CWF19L2: variants seen among roughly 807,000 people sequenced by gnomAD.
The protein encoded by CWF19L2 is CWF19-like protein 2.
A neutral mutation model predicts 111.7 loss-of-function variants in CWF19L2; 98 were observed. The observed-to-expected ratio is 0.88, with a 90% CI of 0.75 to 1.04. The LOEUF (loss-of-function observed/expected upper bound fraction) is 1.04, where lower values mean the gene tolerates loss of function less well. Among genes scored for constraint, CWF19L2 ranks in the 50% least tolerant of loss-of-function variants. The probability of loss-of-function intolerance (pLI) is 0.00; values close to 1 mark genes in which losing one functional copy is unlikely to be tolerated. For missense variants in CWF19L2, 1,101 were observed against 1,051.4 expected, an observed-to-expected ratio of 1.05 and a Z score of -0.65; for synonymous variants, 351 against 342.9, an observed-to-expected ratio of 1.02 and a Z score of -0.26.
At position 107,368,333 on chromosome 11, in the gene CWF19L2, C is replaced by T. The variant is rs989632456; in HGVS notation, c.1873-14597G>A. On this transcript the variant is annotated intron_variant, in intron 12 of 17. Coordinates refer to ENST00000282251, the MANE Select transcript of CWF19L2 (RefSeq NM_152434.3). ...AACTATATTCTCACAAACTAGAAAACCTAGACGAAATGGATAAATTCCTGG... is the reference window on the plus strand; with the variant it reads ...AACTATATTCTCACAAACTAGAAAATCTAGACGAAATGGATAAATTCCTGG... Among the ~76,000 whole-genome samples, 4 of 137,450 alleles carry T rather than the reference C, an allele frequency of 2.9e-5. 2 individuals carry two copies. The highest frequency in any genetic ancestry group is 1.2e-4 in the African/African-American group (4 of 34,484). The allele number at this position is 137,450 out of a possible 152,430, so 90.2% of individuals were successfully genotyped here.
At position 107,393,034 on chromosome 11, in the gene CWF19L2, T is replaced by C. The variant is rs1416687386; in HGVS notation, c.1618-139A>G. ...TTGCCTTAAATCTCCTGGATTTTCA[T>C]TACTCTCTATACTATAAAATGAACA... On this transcript the variant is annotated intron_variant, in intron 10 of 17. Coordinates refer to ENST00000282251, the MANE Select transcript of CWF19L2 (RefSeq NM_152434.3). 127 of 566,582 alleles carry C rather than the reference T, an allele frequency of 2.2e-4. 5 individuals carry two copies. The South Asian group carries it at 3.1e-3, about 14-fold the overall frequency. The allele number at this position is 566,582 out of a possible 1,614,324, so 35.1% of individuals were successfully genotyped here.
Position 107,416,207 on chromosome 11 carries a change from A to T in CWF19L2, c.1617+2T>A. ...TACATTCTCCAAACTTTTATTACTT[A>T]CCTCTACCCCAGATTTTTTTGGTAT... is the stretch of plus-strand genomic sequence containing the variant. On this transcript the variant is annotated splice_donor_variant, in intron 10 of 17. Transcript: ENST00000282251. LOFTEE classifies it high-confidence loss of function. 1 of 1,283,812 alleles carries T rather than the reference A, an allele frequency of 7.8e-7. No individual in the cohort carries two copies. Among genetic ancestry groups the T allele is most frequent in the Non-Finnish European group, 1.0e-6 (1 of 955,264 alleles). The allele number at this position is 1,283,812 out of a possible 1,614,324, so 79.5% of individuals were successfully genotyped here.
intron 6 of CWF19L2, among the ~76,000 whole-genome samples, chr11:107,435,992 A>G (rs1388093245): frequency 1.3e-5 from 2 of 151,908 alleles, no homozygotes; most frequent in Non-Finnish European, 2.9e-5. Context: ...TGTCTCTACT[A>G]AAAATACAAA....
chr11:107,453,962 T>A (rs1861816767), intron 3 of CWF19L2, among the ~76,000 whole-genome samples: 1 of 151,290 alleles, frequency 6.6e-6, no homozygotes, highest in African/African-American at 2.4e-5. Context: ...CTGCCATTCA[T>A]AGGTTGAATG....
At chr11:107,405,839 CA>C (rs1555023830) in intron 10 of CWF19L2, among the ~76,000 whole-genome samples, 34 of 81,274 alleles carry the variant, frequency 4.2e-4, no homozygotes, top group Middle Eastern at 6.5e-3. Flanking sequence ...TGAAGCAAGC[CA>C]AAAAAAAAAA....
At chr11:107,370,599 G>A (rs1459879783) in intron 12 of CWF19L2, among the ~76,000 whole-genome samples, 1 of 134,842 alleles carries the variant, frequency 7.4e-6, no homozygotes, top group Non-Finnish European at 1.6e-5. Flanking sequence ...AAATCACTGA[G>A]GTCGAGTCAC....
intron 10 of CWF19L2, among the ~76,000 whole-genome samples, chr11:107,411,217 C>T (rs547913175): frequency 6.6e-6 from 1 of 152,156 alleles, no homozygotes; most frequent in South Asian, 2.1e-4. Flanking sequence ...AAGATCTCTC[C>T]TGCTATGGAA....
At chr11:107,381,123 G>C (rs1190552007) in intron 12 of CWF19L2, among the ~76,000 whole-genome samples, 2 of 152,052 alleles carry the variant, frequency 1.3e-5, no homozygotes, top group African/African-American at 4.8e-5. Flanking sequence ...TTCTGTCTGA[G>C]ATAATGAAAA....
At chr11:107,362,194 T>C (rs867825525) in intron 12 of CWF19L2, among the ~76,000 whole-genome samples, 12 of 55,758 alleles carry the variant, frequency 2.2e-4, no homozygotes, top group South Asian at 3.7e-4. Context: ...GTCTCGCTGA[T>C]TGCTACCACA....
intron 10 of CWF19L2, among the ~76,000 whole-genome samples, chr11:107,403,118 G>C (rs746351339): frequency 1.3e-5 from 2 of 149,766 alleles, no homozygotes; most frequent in South Asian, 2.1e-4. Flanking sequence ...GAGTGTGAAG[G>C]GGGTGAGGGA....
rs959240868 is a variant in CWF19L2 at position 107,367,478 on chromosome 11, C to G, written c.1873-13742G>C. Among the ~76,000 whole-genome samples the G allele has an allele frequency of 1.8e-4, 23 of 129,488 alleles. 3 individuals are homozygous for G. Among genetic ancestry groups the G allele is most frequent in the Middle Eastern group, 3.9e-3 (1 of 258 alleles). 84.9% of individuals were successfully genotyped at this position (129,488 alleles called of 152,430 possible). Reference sequence around the variant, plus strand: ...TTAAGAAAATGTGGCACATATACACCATGGAATACTATGCAGCCATAAAAA... The same window carrying G: ...TTAAGAAAATGTGGCACATATACACGATGGAATACTATGCAGCCATAAAAA... On this transcript the variant is annotated intron_variant, in intron 12 of 17. Coordinates refer to ENST00000282251, the MANE Select transcript of CWF19L2 (RefSeq NM_152434.3).
At chr11:107,354,896 G>GT (rs1051198366) in intron 12 of CWF19L2, among the ~76,000 whole-genome samples, 2 of 152,030 alleles carry the variant, frequency 1.3e-5, no homozygotes, top group African/African-American at 4.8e-5. Flanking sequence ...CAATACTATG[G>GT]TAAGAATTAG....
rs1312853149 is a variant in CWF19L2, at chr11:107,364,388, C to A, written c.1873-10652G>T. On this transcript the variant is annotated intron_variant, in intron 12 of 17. Transcript: ENST00000282251. ...AATATACATTTTTTTCAGCACCACA[C>A]CACATCTATTCCAAAATTGACCACA... 2.0e-5 allele frequency among the ~76,000 whole-genome samples: 3 copies of A among 148,460 alleles called. 1 individual carries two copies. The highest frequency in any genetic ancestry group is 7.6e-5 in the African/African-American group (3 of 39,428).
chr11:107,342,876 G>A (rs1426073888), intron 14 of CWF19L2, among the ~76,000 whole-genome samples: 2 of 152,130 alleles, frequency 1.3e-5, no homozygotes, highest in Non-Finnish European at 2.9e-5. Context: ...AAGAGGAGAA[G>A]GCAATATGAT....
chr11:107,452,299 C>G (rs2135430409), intron 3 of CWF19L2, among the ~76,000 whole-genome samples: 1 of 151,164 alleles, frequency 6.6e-6, no homozygotes, highest in East Asian at 1.9e-4. Context: ...TTTTTCTGAT[C>G]CTAATGTTTC....
chr11:107,414,394 A>G (rs930212828), intron 10 of CWF19L2, among the ~76,000 whole-genome samples: 1 of 152,140 alleles, frequency 6.6e-6, no homozygotes, highest in African/African-American at 2.4e-5. Context: ...GTAATGCAGA[A>G]GTTGAACTCA....
intron 16 of CWF19L2, among the ~76,000 whole-genome samples, chr11:107,330,265 T>G (rs1859825800): frequency 6.6e-6 from 1 of 152,168 alleles, no homozygotes; most frequent in Admixed American, 6.5e-5. Context: ...ACCAACTATT[T>G]TGCTGTCCTT....
At chr11:107,393,837 G>A (rs963779917) in intron 10 of CWF19L2, among the ~76,000 whole-genome samples, 1 of 152,078 alleles carries the variant, frequency 6.6e-6, no homozygotes, top group East Asian at 1.9e-4. Flanking sequence ...GGGTACACAT[G>A]GACATAAAGA....
intron 10 of CWF19L2, among the ~76,000 whole-genome samples, chr11:107,398,872 C>A (rs1334587783): frequency 6.6e-6 from 1 of 152,160 alleles, no homozygotes; most frequent in African/African-American, 2.4e-5. Flanking sequence ...GGATTGGGGA[C>A]CTATCTTCAG....
Sources: gnomAD v4.1 joint callset for allele counts (sites outside exome capture counted in the v4.1 genomes callset) on GRCh38, gnomAD v4.1.1 for gene constraint, MANE v1.5 for transcripts, NCBI Gene and HGNC (gene_info 2026-07-23, HGNC 2026-07-21) for gene names.